The following DNAJC6 variants were observed in gnomAD, a reference collection of about 807,000 sequenced individuals.
DNAJC6 encodes the protein auxilin.
In DNAJC6, 34 loss-of-function variants were observed where a neutral mutation model predicts 110.0. The observed-to-expected ratio is 0.31, with a 90% CI of 0.24 to 0.41. The LOEUF is 0.41. DNAJC6 is among the 10% of genes least tolerant of loss of function. DNAJC6 has a pLI of 1.00. For synonymous variants in DNAJC6, 406 were observed against 437.2 expected, an observed-to-expected ratio of 0.93 and a Z score of 0.89; for missense variants, 1,031 against 1,207.8, an observed-to-expected ratio of 0.85 and a Z score of 2.17.
chr1:65,326,415 T>C lies in DNAJC6; in HGVS notation c.193+16477T>C, dbSNP rs1001701889. Among the ~76,000 whole-genome samples the C allele has an allele frequency of 6.6e-5, 10 of 152,206 alleles. 1 individual carries two copies. Among genetic ancestry groups the C allele is most frequent in the South Asian group, 2.1e-4 (1 of 4,828 alleles). On this transcript the variant is annotated intron_variant, in intron 1 of 18. Coordinates refer to ENST00000371069, the MANE Select transcript of DNAJC6 (RefSeq NM_001256864.2). ...GAGGTCTTGAAGGATGGGTAGGATTTGAACATTCCAGATAAAGTTGGAAAG... is the reference window on the plus strand; with the variant it reads ...GAGGTCTTGAAGGATGGGTAGGATTCGAACATTCCAGATAAAGTTGGAAAG...
intron 1 of DNAJC6, among the ~76,000 whole-genome samples, chr1:65,352,058 A>G (rs904655996): frequency 6.6e-6 from 1 of 152,104 alleles, no homozygotes; most frequent in Non-Finnish European, 1.5e-5. Flanking sequence ...GGGCCACTGC[A>G]CCCGGCCTTA....
intron 1 of DNAJC6, among the ~76,000 whole-genome samples, chr1:65,356,591 A>T (rs1044123717): frequency 7.3e-5 from 11 of 151,224 alleles, no homozygotes; most frequent in Admixed American, 5.3e-4. Flanking sequence ...TAAATAAAAT[A>T]AAATAAAATA....
chr1:65,312,841 C>G (rs780674073), intron 1 of DNAJC6, among the ~76,000 whole-genome samples: 8 of 152,326 alleles, frequency 5.3e-5, no homozygotes, highest in Non-Finnish European at 1.0e-4. Context: ...GCTCTGTCAC[C>G]CAGGCTGGAG....
At chr1:65,293,761 A>G (rs1033735756) in intron 1 of DNAJC6, among the ~76,000 whole-genome samples, 3 of 152,202 alleles carry the variant, frequency 2.0e-5, no homozygotes, top group African/African-American at 4.8e-5. Flanking sequence ...ATGTTGGTCT[A>G]TGCACAAATA....
chr1:65,337,251 A>G (rs563380080), intron 1 of DNAJC6, among the ~76,000 whole-genome samples: 1 of 145,352 alleles, frequency 6.9e-6, no homozygotes, highest in South Asian at 2.2e-4. Context: ...TTTTGTCATC[A>G]CTGTCTAGTG....
intron 1 of DNAJC6, among the ~76,000 whole-genome samples, chr1:65,333,756 A>G (rs562745273): frequency 2.0e-5 from 3 of 152,248 alleles, no homozygotes; most frequent in East Asian, 1.9e-4. Flanking sequence ...AATGCTCTCT[A>G]CAATGTCCCT....
chr1:65,297,968 A>G (rs60304110), intron 1 of DNAJC6, among the ~76,000 whole-genome samples: 68,787 of 151,520 alleles, frequency 0.45, 15,586 homozygotes, highest in East Asian at 0.52. Context: ...TTAACCCCCT[A>G]TGATTCCATC....
chr1:65,402,026 G>A, intron 15 of DNAJC6, 146 bp downstream of exon 15: 1 of 1,173,036 alleles, frequency 8.5e-7, no homozygotes, highest in Non-Finnish European at 1.2e-6. Flanking sequence ...TGAAACCTGA[G>A]ATTGGCTTTT....
intron 1 of DNAJC6, among the ~76,000 whole-genome samples, chr1:65,360,872 T>C (rs894547371): frequency 1.3e-5 from 2 of 152,178 alleles, no homozygotes; most frequent in Admixed American, 1.3e-4. Flanking sequence ...AGGGTGCTTA[T>C]TGTAGGGATA....
upstream of DNAJC6, among the ~76,000 whole-genome samples, chr1:65,307,008 C>CTATA (rs1489991278): frequency 1.8e-4 from 17 of 93,188 alleles, no homozygotes; most frequent in East Asian, 2.3e-3. Flanking sequence ...CTCTCTCTCT[C>CTATA]TCTCTCTCTC....
chr1:65,376,237 GTC>G (rs2101582342), intron 4 of DNAJC6, among the ~76,000 whole-genome samples: 1 of 151,852 alleles, frequency 6.6e-6, no homozygotes, highest in East Asian at 1.9e-4. Flanking sequence ...CAGTTGTTAG[GTC>G]TCCTTTTTCA....
intron 17 of DNAJC6, among the ~76,000 whole-genome samples, chr1:65,411,019 A>T (rs943588164): frequency 2.0e-5 from 3 of 152,194 alleles, no homozygotes; most frequent in Non-Finnish European, 4.4e-5. Flanking sequence ...GCAAAGTCTA[A>T]CAGTGTGAAA....
chr1:65,364,697 G>A lies in DNAJC6; in HGVS notation c.256G>A (p.Gly86Ser). 5 of 1,612,936 alleles carry A rather than the reference G, an allele frequency of 3.1e-6. No individual in the cohort carries two copies. Among genetic ancestry groups the A allele is most frequent in the Non-Finnish European group, 4.2e-6 (5 of 1,179,594 alleles). ...AGGTCTCTTTGACATGGTAAAAGGA[G>A]GTGCAGGGAGGCTCTTTAGTAACCT... ...GGGLFDMVKG[G>S]AGRLFSNLKD... The change falls in exon 2 of 19, where the codon GGT becomes AGT. Residue 86 changes from glycine to serine, a missense_variant. Coordinates refer to ENST00000371069, the MANE Select transcript of DNAJC6 (RefSeq NM_001256864.2).
At chr1:65,373,441 C>A (rs1170603070) in intron 4 of DNAJC6, among the ~76,000 whole-genome samples, 2 of 152,136 alleles carry the variant, frequency 1.3e-5, no homozygotes, top group East Asian at 3.9e-4. Context: ...TCACCAGCAT[C>A]TGGTATTACC....
At chr1:65,372,924 T>C (rs760489377) in intron 4 of DNAJC6, among the ~76,000 whole-genome samples, 1 of 152,190 alleles carries the variant, frequency 6.6e-6, no homozygotes, top group African/African-American at 2.4e-5. Context: ...GTGTACAGTT[T>C]AATTACATTT....
Position 65,389,754 on chromosome 1 carries a change from C to T in DNAJC6, c.1468+127C>T, listed in dbSNP as rs568900346. 7 of 995,152 alleles carry T rather than the reference C, an allele frequency of 7.0e-6. No homozygotes were observed. In the East Asian group the frequency reaches 7.7e-5, roughly 11 times the overall value. The allele number at this position is 995,152 out of a possible 1,614,324, so 61.6% of individuals were successfully genotyped here. Reference sequence around the variant, plus strand: ...AGGTCATTCAATCCAGGCACACGGACTCCCACCTGTAAGCCCAGCACTTTG... The same window carrying T: ...AGGTCATTCAATCCAGGCACACGGATTCCCACCTGTAAGCCCAGCACTTTG... On this transcript the variant is annotated intron_variant, in intron 11 of 18. Transcript: ENST00000371069.
intron 1 of DNAJC6, among the ~76,000 whole-genome samples, chr1:65,278,710 A>T (rs904542416): frequency 2.0e-5 from 3 of 152,200 alleles, no homozygotes; most frequent in Admixed American, 6.5e-5. Context: ...ACCTCTGATC[A>T]AGTTCAGCCT....
At chr1:65,407,615 A>T (rs1282363629) in intron 16 of DNAJC6, among the ~76,000 whole-genome samples, 4 of 152,144 alleles carry the variant, frequency 2.6e-5, no homozygotes, top group East Asian at 1.9e-4. Context: ...ACTAGCAGGG[A>T]TATTTCCTGG....
At chr1:65,357,720 A>G (rs1570873) in intron 1 of DNAJC6, among the ~76,000 whole-genome samples, 2 of 152,162 alleles carry the variant, frequency 1.3e-5, no homozygotes, top group South Asian at 4.1e-4. Context: ...TGTTGGCAGC[A>G]TTTGCCTGCC....
Sources: gnomAD v4.1 joint callset for allele counts (sites outside exome capture counted in the v4.1 genomes callset) on GRCh38, gnomAD v4.1.1 for gene constraint, MANE v1.5 for transcripts, NCBI Gene and HGNC (gene_info 2026-07-23, HGNC 2026-07-21) for gene names.